The following TAF2 variants were observed in gnomAD, a reference collection of about 807,000 sequenced individuals.
TAF2 encodes TATA-box binding protein associated factor 2.
A neutral mutation model predicts 138.5 loss-of-function variants in TAF2; 61 were observed. That is an observed-to-expected ratio of 0.44 (90% CI 0.36 to 0.54). The LOEUF (loss-of-function observed/expected upper bound fraction) is 0.54. Ranked by LOEUF, TAF2 falls within the 20% of genes least tolerant of loss-of-function variation. The pLI, the probability that TAF2 is intolerant of heterozygous loss-of-function variation, is 0.00. For synonymous variants in TAF2, 475 were observed against 469.9 expected, an observed-to-expected ratio of 1.01 and a Z score of -0.14; for missense variants, 1,090 against 1,427.9, an observed-to-expected ratio of 0.76 and a Z score of 3.81.
rs1280137167 is a variant in TAF2, at chr8:119,744,395, TA to T, written c.3109-3del. 3 of 1,609,476 alleles carry T rather than the reference TA, an allele frequency of 1.9e-6. No homozygotes were observed. The East Asian group carries it at 6.7e-5, about 36-fold the overall frequency. ...CTCCTCATCTTGAGAACTGGAAAAC[TA>T]AAACACACACACATAAAACAGAGGA... On this transcript the variant is annotated splice_region_variant and splice_polypyrimidine_tract_variant and intron_variant, in intron 23 of 25. Transcript: ENST00000378164.
intron 5 of TAF2, among the ~76,000 whole-genome samples, chr8:119,802,860 G>A (rs1436222742): frequency 3.3e-5 from 5 of 152,226 alleles, no homozygotes; most frequent in African/African-American, 4.8e-5. Flanking sequence ...TGCATGAGCC[G>A]AGATTGCATG....
At chr8:119,768,000 C>T (rs1425589657) in intron 18 of TAF2, among the ~76,000 whole-genome samples, 3 of 152,204 alleles carry the variant, frequency 2.0e-5, no homozygotes, top group Non-Finnish European at 2.9e-5. Flanking sequence ...CAGCGAAATA[C>T]ACCTCCACTC....
In TAF2 at chr8:119,788,912, A is replaced by C. The variant is rs1563880248; in HGVS notation, c.1569-8T>G. 2 of 1,555,478 alleles carry C rather than the reference A, an allele frequency of 1.3e-6. No homozygotes were observed. The highest frequency in any genetic ancestry group is 1.8e-6 in the Non-Finnish European group (2 of 1,126,606). ...ACCACTCCACTCTGATCTCTGAAGA[A>C]TTGTAAAGGAAAGTTTACATACTGA... On this transcript the variant is annotated splice_polypyrimidine_tract_variant and splice_region_variant and intron_variant, in intron 12 of 25. Transcript: ENST00000378164.
chr8:119,777,069 T>C (rs1459677615), intron 18 of TAF2, among the ~76,000 whole-genome samples: 1 of 152,198 alleles, frequency 6.6e-6, no homozygotes, highest in Non-Finnish European at 1.5e-5. Flanking sequence ...GTATTAACAA[T>C]GATATATATG....
intron 24 of TAF2, among the ~76,000 whole-genome samples, chr8:119,743,782 T>C (rs1310048909): frequency 6.6e-6 from 1 of 152,170 alleles, no homozygotes; most frequent in Non-Finnish European, 1.5e-5. Context: ...AACAACCTAA[T>C]GCCTATCAAT....
At position 119,744,473 on chromosome 8, in the gene TAF2, T is replaced by C. The variant is rs150125072; in HGVS notation, c.3109-80A>G. ...TTTGGATATTAGCTCTTAGGAAAAG[T>C]AGCAGAGAGGCCATAGGATATACCC... On this transcript the variant is annotated intron_variant, in intron 23 of 25. Transcript: ENST00000378164. 2,729 of 1,222,148 alleles carry C rather than the reference T, an allele frequency of 2.2e-3. 3 individuals carry two copies. Among genetic ancestry groups the C allele is most frequent in the Non-Finnish European group, 2.8e-3 (2,338 of 831,196 alleles). 75.7% of individuals were successfully genotyped at this position (1,222,148 alleles called of 1,614,324 possible).
chr8:119,789,566 T>C (rs745531558), intron 12 of TAF2, 26 bp downstream of exon 12: 118 of 1,611,968 alleles, frequency 7.3e-5, no homozygotes, highest in Non-Finnish European at 1.2e-5. Flanking sequence ...TTCCCCACTC[T>C]GTTGAACTGC....
At chr8:119,790,600 C>T (rs1823354563) in intron 11 of TAF2, among the ~76,000 whole-genome samples, 1 of 152,084 alleles carries the variant, frequency 6.6e-6, no homozygotes, top group Non-Finnish European at 1.5e-5. Flanking sequence ...GGTTTCCACT[C>T]GCAACTACTA....
chr8:119,829,662 A>G (rs1337716680), intron 2 of TAF2, among the ~76,000 whole-genome samples: 1 of 151,968 alleles, frequency 6.6e-6, no homozygotes, highest in East Asian at 1.9e-4. Context: ...AACTTAAGTC[A>G]TCCACAACCC....
intron 2 of TAF2, among the ~76,000 whole-genome samples, chr8:119,822,814 C>A (rs996241937): frequency 2.6e-5 from 4 of 152,170 alleles, no homozygotes; most frequent in Non-Finnish European, 5.9e-5. Flanking sequence ...CTGTCCTTGA[C>A]TTCTTCCAGT....
chr8:119,767,415 G>A (rs761162130), intron 18 of TAF2, among the ~76,000 whole-genome samples: 5 of 152,184 alleles, frequency 3.3e-5, no homozygotes, highest in Non-Finnish European at 4.4e-5. Context: ...AGAAGCTCCC[G>A]GATGTGGGGA....
rs572222252 is a variant in TAF2, at chr8:119,809,883, A to G, written c.300-3482T>C. ...ACAGATATAATAATGAAAAAGTTTG[A>G]AATATTGCAAGAATTACAAAAATGT... On this transcript the variant is annotated intron_variant, in intron 3 of 25. Transcript: ENST00000378164. Among the ~76,000 whole-genome samples the G allele has an allele frequency of 3.3e-5, 5 of 152,230 alleles. No homozygotes were observed. The South Asian group carries it at 1.0e-3, about 32-fold the overall frequency.
At chr8:119,770,198 A>G (rs1277475066) in intron 18 of TAF2, among the ~76,000 whole-genome samples, 2 of 152,268 alleles carry the variant, frequency 1.3e-5, no homozygotes, top group Admixed American at 1.3e-4. Context: ...GAAATAATTC[A>G]GGAAAATTTC....
intron 16 of TAF2, among the ~76,000 whole-genome samples, 177 bp from the exon 17 acceptor site, chr8:119,781,370 T>C (rs1052275370): frequency 6.6e-6 from 1 of 152,058 alleles, no homozygotes; most frequent in Admixed American, 6.5e-5. Flanking sequence ...TTATACAAAC[T>C]CACCCTGCAA....
At chr8:119,768,196 G>A (rs1821575220) in intron 18 of TAF2, among the ~76,000 whole-genome samples, 2 of 152,134 alleles carry the variant, frequency 1.3e-5, no homozygotes, top group South Asian at 4.1e-4. Flanking sequence ...GATCAACCCT[G>A]GGGTTCCCAC....
Position 119,806,290 on chromosome 8 carries a change from G to A in TAF2, c.411C>T (p.His137=), listed in dbSNP as rs370737151. The A allele has an allele frequency of 1.3e-4, 208 of 1,612,976 alleles. No homozygotes were observed. The highest frequency in any genetic ancestry group is 3.3e-4 in the Middle Eastern group (2 of 6,082). ...CIKVPSELWK[H]VDELKVLKIH... ...ATACTCTTGGTGCTTTACCATCAAC[G>A]TGTTTCCATAGCTCTGATGGAACCT... The change falls in exon 4 of 26, where the codon CAC becomes CAT. Residue 137 remains histidine, a synonymous_variant. Coordinates refer to ENST00000378164, the MANE Select transcript of TAF2 (RefSeq NM_003184.4).
rs1824430748 is a variant in TAF2, at chr8:119,803,803, C to T, written c.560+75G>A. On this transcript the variant is annotated intron_variant, in intron 5 of 25. Transcript: ENST00000378164. ...AAAACTAGTATTTCTTGTTTTACAC[C>T]AAATGTATGTCTTGCTTATACATAA... is the stretch of plus-strand genomic sequence containing the variant. 1.4e-5 allele frequency: 19 copies of T among 1,359,438 alleles called. No individual in the cohort carries two copies. In the South Asian group the frequency reaches 2.4e-4, roughly 17 times the overall value. 84.2% of individuals were successfully genotyped at this position (1,359,438 alleles called of 1,614,324 possible).
At chr8:119,794,591 C>T (rs1823687083) in intron 9 of TAF2, among the ~76,000 whole-genome samples, 1 of 152,170 alleles carries the variant, frequency 6.6e-6, no homozygotes, top group Admixed American at 6.5e-5. Context: ...ACCTTTCTTT[C>T]TGTTCCTCAG....
intron 3 of TAF2, among the ~76,000 whole-genome samples, chr8:119,806,957 T>C (rs1273205383): frequency 2.6e-5 from 4 of 152,228 alleles, no homozygotes; most frequent in East Asian, 1.9e-4. Flanking sequence ...ATTATGACTA[T>C]CACATTCTTC....
Sources: gnomAD v4.1 joint callset for allele counts (sites outside exome capture counted in the v4.1 genomes callset) on GRCh38, gnomAD v4.1.1 for gene constraint, MANE v1.5 for transcripts, NCBI Gene and HGNC (gene_info 2026-07-23, HGNC 2026-07-21) for gene names.